Variants in ITFG1 observed in about 807,000 individuals in gnomAD.
The protein encoded by ITFG1 is T-cell immunomodulatory protein.
Under a neutral mutation model 81.8 loss-of-function variants are expected in ITFG1, and 34 were observed. The observed-to-expected ratio is 0.42, with a 90% CI of 0.32 to 0.55. The LOEUF (loss-of-function observed/expected upper bound fraction) is 0.55. Among genes scored for constraint, ITFG1 ranks in the 20% least tolerant of loss-of-function variants. The pLI is 0.17. For missense variants in ITFG1, 672 were observed against 755.4 expected (o/e 0.89, Z 1.29); for synonymous variants, 285 against 270.6 (o/e 1.05, Z -0.52).
intron 8 of ITFG1, among the ~76,000 whole-genome samples, chr16:47,342,004 G>A (rs959449146): frequency 6.6e-6 from 1 of 152,100 alleles, no homozygotes; most frequent in African/African-American, 2.4e-5. Flanking sequence ...AGAAGAATTA[G>A]CATCAAACCT....
intron 8 of ITFG1, among the ~76,000 whole-genome samples, chr16:47,355,346 C>G (rs147448005): frequency 1.3e-5 from 2 of 152,100 alleles, no homozygotes; most frequent in Non-Finnish European, 2.9e-5. Flanking sequence ...ATAAGTAGAT[C>G]TCATAGAAGT....
At chr16:47,237,273 T>C (rs1965887653) in intron 13 of ITFG1, among the ~76,000 whole-genome samples, 1 of 152,242 alleles carries the variant, frequency 6.6e-6, no homozygotes, top group Non-Finnish European at 1.5e-5. Context: ...ACACCTAGTT[T>C]GTATTGCAGT....
At chr16:47,414,762 T>C (rs987984057) in intron 6 of ITFG1, among the ~76,000 whole-genome samples, 1 of 152,204 alleles carries the variant, frequency 6.6e-6, no homozygotes, top group African/African-American at 2.4e-5. Flanking sequence ...GCCTCTCCTT[T>C]ATATACTTTT....
chr16:47,198,215 A>G (rs527367757), intron 14 of ITFG1, among the ~76,000 whole-genome samples: 3 of 152,350 alleles, frequency 2.0e-5, no homozygotes, highest in African/African-American at 7.2e-5. Flanking sequence ...ATTAGTTCCC[A>G]GCTTTGCCAG....
At chr16:47,413,120 A>C (rs1297696157) in intron 6 of ITFG1, among the ~76,000 whole-genome samples, 1 of 152,224 alleles carries the variant, frequency 6.6e-6, no homozygotes, top group Non-Finnish European at 1.5e-5. Context: ...GAGAAGGGTC[A>C]GGTCACATAC....
chr16:47,215,789 T>G (rs929742221), intron 14 of ITFG1, among the ~76,000 whole-genome samples: 1 of 152,230 alleles, frequency 6.6e-6, no homozygotes, highest in Non-Finnish European at 1.5e-5. Flanking sequence ...ATGGGATAAT[T>G]TATTATATCT....
intron 10 of ITFG1, among the ~76,000 whole-genome samples, chr16:47,290,621 G>A (rs72800638): frequency 0.033 from 4,968 of 152,098 alleles, 126 homozygotes; most frequent in Admixed American, 0.046. Flanking sequence ...TAAATGTAGC[G>A]ATACCAGCTC....
intron 8 of ITFG1, among the ~76,000 whole-genome samples, chr16:47,344,901 C>T (rs1335364216): frequency 6.6e-6 from 1 of 152,198 alleles, no homozygotes; most frequent in East Asian, 1.9e-4. Flanking sequence ...GACAGGATCT[C>T]ATTCTTTTTT....
chr16:47,461,132 C>G (rs912078024), upstream of ITFG1: 50 of 1,312,502 alleles, frequency 3.8e-5, no homozygotes, highest in Non-Finnish European at 4.9e-5. Flanking sequence ...GAGAGTGGCG[C>G]GCAGCCCCGG....
At chr16:47,182,386 CAA>C (rs34527674) in intron 14 of ITFG1, among the ~76,000 whole-genome samples, 5 of 133,626 alleles carry the variant, frequency 3.7e-5, no homozygotes, top group Non-Finnish European at 3.3e-5. Context: ...AGGTGGCTCT[CAA>C]AAAAAAAAAA....
In ITFG1 at chr16:47,167,258, G is replaced by A. The variant is rs547102340; in HGVS notation, c.1454-4594C>T. Among the ~76,000 whole-genome samples the A allele has an allele frequency of 2.0e-5, 3 of 152,264 alleles. No homozygotes were observed. The East Asian group carries it at 5.8e-4, about 29-fold the overall frequency. On this transcript the variant is annotated intron_variant, in intron 14 of 17. Transcript: ENST00000320640. ...ATAAGTTATAGTAAGTATCAGTACT[G>A]TCAGGCCTCTGAGCCCAAGCCAAGC...
In ITFG1 at chr16:47,444,223, T is replaced by C. The variant is rs370602874; in HGVS notation, c.560+7173A>G. 3.3e-5 allele frequency among the ~76,000 whole-genome samples: 5 copies of C among 152,196 alleles called. No homozygotes were observed. In the East Asian group the frequency reaches 9.6e-4, roughly 29 times the overall value. Reference sequence around the variant, plus strand: ...ATAATGTAAATCAGATAAAACTGATTTATCTACTTTTATAAAATAGGTTAT... The same window carrying C: ...ATAATGTAAATCAGATAAAACTGATCTATCTACTTTTATAAAATAGGTTAT... On this transcript the variant is annotated intron_variant, in intron 5 of 17. Transcript: ENST00000320640.
intron 10 of ITFG1, among the ~76,000 whole-genome samples, chr16:47,292,830 G>GTA (rs1180830098): frequency 6.6e-6 from 1 of 150,790 alleles, no homozygotes; most frequent in Non-Finnish European, 1.5e-5. Flanking sequence ...TGGTTGAGTA[G>GTA]TATTCCATGC....
At chr16:47,242,436 TG>T in intron 12 of ITFG1, among the ~76,000 whole-genome samples, 1 of 151,964 alleles carries the variant, frequency 6.6e-6, no homozygotes, top group Non-Finnish European at 1.5e-5. Context: ...TAAAATTGTC[TG>T]TAAGGAAAAT....
chr16:47,423,521 C>T (rs1178632002), intron 6 of ITFG1, among the ~76,000 whole-genome samples: 1 of 152,166 alleles, frequency 6.6e-6, no homozygotes, highest in Non-Finnish European at 1.5e-5. Context: ...CAGTTTCTTC[C>T]TAGCATTGAT....
intron 10 of ITFG1, among the ~76,000 whole-genome samples, chr16:47,289,955 G>GT (rs887661545): frequency 1.7e-4 from 26 of 151,998 alleles, no homozygotes; most frequent in Admixed American, 1.6e-3. Context: ...AATCTTTCTA[G>GT]TTTTTTAATG....
At chr16:47,425,617 G>A (rs1215804291) in intron 6 of ITFG1, among the ~76,000 whole-genome samples, 1 of 147,942 alleles carries the variant, frequency 6.8e-6, no homozygotes, top group Non-Finnish European at 1.5e-5. Flanking sequence ...TCCAGACAAG[G>A]TCTGCACTCT....
At chr16:47,318,682 T>C (rs1258913845) in intron 8 of ITFG1, among the ~76,000 whole-genome samples, 1 of 152,178 alleles carries the variant, frequency 6.6e-6, no homozygotes, top group African/African-American at 2.4e-5. Flanking sequence ...AATAGTTCAA[T>C]ATTTTTATTA....
At chr16:47,172,290 G>A (rs932405991) in intron 14 of ITFG1, among the ~76,000 whole-genome samples, 3 of 152,284 alleles carry the variant, frequency 2.0e-5, no homozygotes, top group Middle Eastern at 6.8e-3. Flanking sequence ...TTTGAGACCA[G>A]CCAGGCCAAC....
Sources: allele counts gnomAD v4.1 joint callset (sites outside exome capture counted in the v4.1 genomes callset), GRCh38; gene constraint gnomAD v4.1.1; transcripts MANE v1.5; gene names NCBI Gene and HGNC (gene_info 2026-07-23, HGNC 2026-07-21).